ROR2: variants seen among roughly 807,000 people sequenced by gnomAD.
ROR2 encodes the protein ROR family WNT receptor 2.
A neutral mutation model predicts 74.9 loss-of-function variants in ROR2; 33 were observed. That is an observed-to-expected ratio of 0.44 (90% CI 0.33 to 0.59). The LOEUF is 0.59. Among genes scored for constraint, ROR2 ranks in the 20% least tolerant of loss-of-function variants. The probability of loss-of-function intolerance (pLI) is 0.02; values close to 1 mark genes in which losing one functional copy is unlikely to be tolerated. For synonymous variants in ROR2, 586 were observed against 558.7 expected (o/e 1.05, Z -0.69); for missense variants, 1,216 against 1,313.8 (o/e 0.93, Z 1.15).
intron 8 of ROR2, 84 bp downstream of exon 8, chr9:91,726,457 T>A: frequency 7.8e-7 from 1 of 1,275,886 alleles, no homozygotes; most frequent in Non-Finnish European, 1.1e-6. Flanking sequence ...TCAAGTAAAT[T>A]AAGACATTTA....
intron 1 of ROR2, among the ~76,000 whole-genome samples, chr9:91,939,733 G>A (rs1006358776): frequency 3.3e-5 from 5 of 152,064 alleles, no homozygotes; most frequent in South Asian, 2.1e-4. Flanking sequence ...GTAAACACAC[G>A]GAAGTGAAAG....
chr9:91,772,404 A>G (rs1164928224), intron 2 of ROR2, among the ~76,000 whole-genome samples: 1 of 152,156 alleles, frequency 6.6e-6, no homozygotes, highest in East Asian at 1.9e-4. Context: ...GGGTGCTCCC[A>G]TCTTGAAACT....
At chr9:91,785,774 C>A (rs1178041527) in intron 1 of ROR2, among the ~76,000 whole-genome samples, 2 of 152,224 alleles carry the variant, frequency 1.3e-5, no homozygotes, top group African/African-American at 4.8e-5. Flanking sequence ...TCCTCCACAA[C>A]ACTGGAGAGC....
intron 1 of ROR2, among the ~76,000 whole-genome samples, chr9:91,784,751 C>T (rs1826737545): frequency 6.6e-6 from 1 of 152,182 alleles, no homozygotes; most frequent in Non-Finnish European, 1.5e-5. Context: ...CCTCCCTGGC[C>T]CTACTCAAAA....
intron 1 of ROR2, among the ~76,000 whole-genome samples, chr9:91,842,808 C>T (rs1441190749): frequency 1.3e-5 from 2 of 152,244 alleles, no homozygotes; most frequent in African/African-American, 2.4e-5. Flanking sequence ...TGCTCTGCAT[C>T]CAGCTGGCAC....
intron 5 of ROR2, among the ~76,000 whole-genome samples, chr9:91,735,822 T>A (rs962324013): frequency 2.6e-5 from 4 of 151,942 alleles, no homozygotes; most frequent in Admixed American, 6.6e-5. Flanking sequence ...TTCACCATGT[T>A]GGTCAGGCTG....
At chr9:91,928,428 C>A in intron 1 of ROR2, among the ~76,000 whole-genome samples, 1 of 152,206 alleles carries the variant, frequency 6.6e-6, no homozygotes, top group East Asian at 1.9e-4. Flanking sequence ...GGGATGCCAC[C>A]CACCACGGTG....
intron 1 of ROR2, among the ~76,000 whole-genome samples, chr9:91,817,145 C>A (rs1827965970): frequency 6.6e-6 from 1 of 152,148 alleles, no homozygotes; most frequent in Non-Finnish European, 1.5e-5. Flanking sequence ...TCAAACACAA[C>A]CCCAGGGGCT....
chr9:91,751,472 T>G (rs1432782942), intron 4 of ROR2, among the ~76,000 whole-genome samples: 3 of 152,162 alleles, frequency 2.0e-5, no homozygotes, highest in Non-Finnish European at 4.4e-5. Flanking sequence ...GGAACTCTAT[T>G]ATTGTTAGGC....
intron 1 of ROR2, among the ~76,000 whole-genome samples, chr9:91,785,198 C>G (rs1826755602): frequency 2.0e-5 from 3 of 152,192 alleles, no homozygotes; most frequent in Non-Finnish European, 4.4e-5. Flanking sequence ...TGCATTTATT[C>G]TTTCCTCTGC....
intron 4 of ROR2, among the ~76,000 whole-genome samples, chr9:91,740,556 G>C (rs4604505): frequency 0.53 from 75,055 of 142,108 alleles, 19,882 homozygotes; most frequent in South Asian, 0.66. Flanking sequence ...TGTTTCGGGC[G>C]GGGGGGGGAA....
chr9:91,777,407 ACCC>A (rs869195141), intron 1 of ROR2, among the ~76,000 whole-genome samples: 1 of 149,538 alleles, frequency 6.7e-6, no homozygotes, highest in Non-Finnish European at 1.5e-5. Context: ...ACACACACAC[ACCC>A]CATCATCATC....
intron 1 of ROR2, among the ~76,000 whole-genome samples, chr9:91,918,394 C>A (rs181404706): frequency 6.6e-6 from 1 of 152,262 alleles, no homozygotes; most frequent in East Asian, 1.9e-4. Flanking sequence ...CTGTTCTCAG[C>A]ACATGTGGTT....
rs761732861 is a variant in ROR2 at position 91,756,057 on chromosome 9, A to G, written c.494+14T>C. ...AGAGCAGCAGAACACGGCTTGGGGAAAACAGATACTTACTGAAAGTTATGA... is the reference window on the plus strand; with the variant it reads ...AGAGCAGCAGAACACGGCTTGGGGAGAACAGATACTTACTGAAAGTTATGA... On this transcript the variant is annotated intron_variant, in intron 4 of 8. Transcript: ENST00000375708. The G allele has an allele frequency of 1.2e-6, 2 of 1,613,790 alleles. No individual in the cohort carries two copies. The highest frequency in any genetic ancestry group is 8.5e-7 in the Non-Finnish European group (1 of 1,179,620).
intron 1 of ROR2, among the ~76,000 whole-genome samples, chr9:91,826,432 A>G (rs111549834): frequency 6.6e-6 from 1 of 152,232 alleles, no homozygotes. Context: ...GGTTAATTAC[A>G]TGATCCTGCC....
chr9:91,797,801 G>A (rs1827227394), intron 1 of ROR2, among the ~76,000 whole-genome samples: 2 of 43,044 alleles, frequency 4.6e-5, no homozygotes, highest in Non-Finnish European at 8.1e-5. Context: ...CTGTGGGTGG[G>A]GCTGACACCC....
intron 1 of ROR2, among the ~76,000 whole-genome samples, chr9:91,885,868 CTTTTTTT>C (rs542499117): frequency 1.8e-5 from 2 of 108,158 alleles, no homozygotes; most frequent in African/African-American, 3.7e-5. Flanking sequence ...GTATGGTTTC[CTTTTTTT>C]TTTTTTTTTT....
chr9:91,802,847 A>C (rs1379905877), intron 1 of ROR2, among the ~76,000 whole-genome samples: 1 of 152,208 alleles, frequency 6.6e-6, no homozygotes, highest in Non-Finnish European at 1.5e-5. Context: ...TTCAGGGGCC[A>C]CACAAGAACA....
intron 2 of ROR2, among the ~76,000 whole-genome samples, chr9:91,765,226 G>C (rs1029012014): frequency 6.6e-6 from 1 of 152,086 alleles, no homozygotes; most frequent in Non-Finnish European, 1.5e-5. Flanking sequence ...TTAGCTGTGT[G>C]CATCTACCCT....
Sources: allele counts gnomAD v4.1 joint callset (sites outside exome capture counted in the v4.1 genomes callset), GRCh38; gene constraint gnomAD v4.1.1; transcripts MANE v1.5; gene names NCBI Gene and HGNC (gene_info 2026-07-23, HGNC 2026-07-21).